ZNF500: variants seen among roughly 807,000 people sequenced by gnomAD.
ZNF500 encodes the protein zinc finger protein with KRAB and SCAN domains 18.
In ZNF500, 31 loss-of-function variants were observed where a neutral mutation model predicts 30.1. The observed-to-expected ratio is 1.03, with a 90% CI of 0.77 to 1.39. The LOEUF (loss-of-function observed/expected upper bound fraction) is 1.39. Ranked by LOEUF, ZNF500 falls within the 40% of genes most tolerant of loss-of-function variation. ZNF500 has a pLI of 0.00. For missense variants in ZNF500, 817 were observed against 657.8 expected (o/e 1.24, Z -2.65); for synonymous variants, 392 against 282.0 (o/e 1.39, Z -3.91).
chr16:4,765,624 C>T lies in ZNF500; in HGVS notation c.355G>A (p.Glu119Lys). 1 of 1,613,390 alleles carries T rather than the reference C, an allele frequency of 6.2e-7. No individual in the cohort carries two copies. The stretch of plus-strand genomic sequence containing the variant: ...CCTTCCACAAGGACCACGGCCTCCT[C>T]ACCGCTCTCCGGCTGCTGCTCGCGT... ...RVREQQPESG[E>K]EAVVLVEGLQ... is the part of the protein sequence containing the mutation. Residue 119 changes from glutamate (E) to lysine (K), a missense_variant, in exon 2 of 6, where the codon GAG (glutamate) becomes AAG (lysine). Physicochemically the swap from Glu to Lys is moderately conservative, Grantham distance 56. Coordinates refer to ENST00000219478, the MANE Select transcript of ZNF500 (RefSeq NM_021646.4).
At chr16:4,753,879 G>A (rs1056748077) in intron 5 of ZNF500, among the ~76,000 whole-genome samples, 5 of 152,236 alleles carry the variant, frequency 3.3e-5, no homozygotes, top group African/African-American at 7.2e-5. Context: ...CAGAGCAGTC[G>A]TGGCTCCCAG....
At chr16:4,764,155 C>G (rs1378786947) in intron 2 of ZNF500, 1 of 930,492 alleles carries the variant, frequency 1.1e-6, no homozygotes, top group East Asian at 1.2e-4. Flanking sequence ...CTGTGCCATC[C>G]AGTACAGTAG....
rs114408788 is a variant in ZNF500, at chr16:4,760,192, C to G, written c.760+300G>C. ...ATGGGGAGAGGCTGGAGAACCAGGT[C>G]CTGTGGGAGCAGCTCTGCCCTTGAG... On this transcript the variant is annotated intron_variant, in intron 5 of 5. Coordinates refer to ENST00000219478, the MANE Select transcript of ZNF500 (RefSeq NM_021646.4). 5.9e-3 allele frequency among the ~76,000 whole-genome samples: 891 copies of G among 152,268 alleles called. 10 individuals carry two copies. Among genetic ancestry groups the G allele is most frequent in the African/African-American group, 0.02 (845 of 41,562 alleles).
Position 4,766,054 on chromosome 16 carries a change from G to A in ZNF500, c.-76C>T. ...CTCTCTATACCTCTGGCCAGACACA[G>A]GAAGAGAGTTTTTTTCAGGGCCCTG... On this transcript the variant is annotated 5_prime_UTR_variant, in exon 2 of 6. Transcript: ENST00000219478. The A allele has an allele frequency of 6.8e-7, 1 of 1,479,486 alleles. No homozygotes were observed. The highest frequency in any genetic ancestry group is 8.9e-7 in the Non-Finnish European group (1 of 1,118,588). 91.6% of individuals were successfully genotyped at this position (1,479,486 alleles called of 1,614,324 possible).
At chr16:4,754,976 C>T (rs1350549842) in intron 5 of ZNF500, among the ~76,000 whole-genome samples, 1 of 152,188 alleles carries the variant, frequency 6.6e-6, no homozygotes, top group South Asian at 2.1e-4. Context: ...CGGCACCTCC[C>T]CTCGCTCCTT....
At position 4,760,567 on chromosome 16, in the gene ZNF500, C is replaced by A. The variant is rs150491469; in HGVS notation, c.685G>T (p.Val229Leu). The A allele has an allele frequency of 1.9e-6, 3 of 1,613,550 alleles. No individual in the cohort carries two copies. Among genetic ancestry groups the A allele is most frequent in the Admixed American group, 3.3e-5 (2 of 59,932 alleles). ...TCCTCCCCAGAAAGGTATACAGCCA[C>A]GTCCTCCAAGTTCACGGGCACCTGC... ...WSQVPVNLED[V>L]AVYLSGEEPR... The change falls in exon 5 of 6, where the codon GTG (valine) becomes TTG (leucine). Residue 229 changes from valine to leucine, a missense_variant. By Grantham distance (32) the Val-to-Leu change is conservative. Coordinates refer to ENST00000219478, the MANE Select transcript of ZNF500 (RefSeq NM_021646.4).
downstream of ZNF500, chr16:4,744,983 G>A (rs2081995988): frequency 6.2e-7 from 1 of 1,613,772 alleles, no homozygotes; most frequent in Non-Finnish European, 8.5e-7. Flanking sequence ...CACTCCCCAG[G>A]ACACCAAAGA....
chr16:4,758,200 A>T (rs2082158630), intron 5 of ZNF500: 1 of 146,988 alleles, frequency 6.8e-6, no homozygotes, highest in Non-Finnish European at 1.5e-5. Context: ...GTGCCTGGCC[A>T]TTTTTTTTTT....
intron 3 of ZNF500, 87 bp downstream of exon 3, chr16:4,762,486 C>G: frequency 1.3e-6 from 2 of 1,526,414 alleles, no homozygotes; most frequent in South Asian, 1.3e-5. Flanking sequence ...CCAGGCAGGC[C>G]TCTGCCCTGG....
In ZNF500 at chr16:4,748,596, G is replaced by C. The variant is rs1421129054; in HGVS notation, c.*3780C>G. On this transcript the variant is annotated 3_prime_UTR_variant, in exon 6 of 6. Transcript: ENST00000219478. ...AAGACCCGGCCCCTCCACAGGACAAGCCTGGTCTTCCTGGGTCCTGTTCCT... is the reference window on the plus strand; with the variant it reads ...AAGACCCGGCCCCTCCACAGGACAACCCTGGTCTTCCTGGGTCCTGTTCCT... The C allele has an allele frequency of 6.6e-6, 1 of 152,436 alleles. No homozygotes were observed. Among genetic ancestry groups the C allele is most frequent in the East Asian group, 1.9e-4 (1 of 5,176 alleles). 9.4% of individuals were successfully genotyped at this position (152,436 alleles called of 1,614,324 possible). A position where few individuals can be genotyped will look rare whatever the true frequency, so the allele number is the denominator to read the frequency against.
intron 4 of ZNF500, among the ~76,000 whole-genome samples, chr16:4,761,161 G>A (rs967454509): frequency 6.6e-6 from 1 of 152,116 alleles, no homozygotes; most frequent in East Asian, 1.9e-4. Flanking sequence ...GTTCGGCCGG[G>A]CGCGGTGGCT....
At chr16:4,754,738 A>G (rs931378935) in intron 5 of ZNF500, among the ~76,000 whole-genome samples, 2 of 152,032 alleles carry the variant, frequency 1.3e-5, no homozygotes, top group Non-Finnish European at 1.5e-5. Context: ...TTGGCCTGCT[A>G]TAATAATATT....
rs748134585 is a variant in ZNF500 at position 4,765,951 on chromosome 16, G to T, written c.28C>A (p.Leu10Met). The change falls in exon 2 of 6, where the codon CTG becomes ATG. Residue 10 changes from leucine (L) to methionine (M), a missense_variant. By Grantham distance (15) the Leu-to-Met change is conservative. Transcript: ENST00000219478. ...TCCAGGTCCTGCTCCAAGGTTGGCA[G>T]GGGCTGGAGGCCAGGGACAGTGGCC... MATVPGLQP[L>M]PTLEQDLEQE... 1.9e-6 allele frequency: 3 copies of T among 1,585,768 alleles called. No individual in the cohort carries two copies. In the South Asian group the frequency reaches 3.4e-5, roughly 18 times the overall value.
At chr16:4,762,969 C>T (rs1433864163) in intron 2 of ZNF500, 64 of 985,334 alleles carry the variant, frequency 6.5e-5, no homozygotes, top group Non-Finnish European at 7.3e-5. Flanking sequence ...TCACCACAAT[C>T]GTTTCCCCAT....
chr16:4,746,265 TG>T (rs2082016411), downstream of ZNF500: 17 of 1,152,008 alleles, frequency 1.5e-5, no homozygotes, highest in South Asian at 4.4e-5. Flanking sequence ...CTGTAGAGAG[TG>T]GGCACTCACT....
chr16:4,752,385 G>T lies in ZNF500; in HGVS notation c.1434C>A (p.Ala478=), dbSNP rs3747602. 0.61 allele frequency: 911,048 copies of T among 1,497,240 alleles called. 280,270 individuals are homozygous for T. The highest frequency in any genetic ancestry group is 0.67 in the East Asian group (27,125 of 40,390). 92.7% of individuals were successfully genotyped at this position (1,497,240 alleles called of 1,614,324 possible). A position where few individuals can be genotyped will look rare whatever the true frequency, so the allele number is the denominator to read the frequency against. The part of the protein sequence containing the change: ...LQPVAPGGPG[A]KA ...GTTTCAGGCCTGGTGATCAGGCTTT[G>T]GCACCGGGGCCTCCAGGAGCCACCG... The change falls in exon 6 of 6, where the codon GCC becomes GCA. Residue 478 remains alanine, a synonymous_variant. Transcript: ENST00000219478.
chr16:4,761,478 TACACACACACACACACACACACACAC>T (rs71139657), intron 4 of ZNF500, among the ~76,000 whole-genome samples: 4 of 129,746 alleles, frequency 3.1e-5, no homozygotes, highest in Admixed American at 1.6e-4. Flanking sequence ...TACACATACA[TACACACACACACACACACACACACAC>T]ACACACACAC....
chr16:4,760,650 C>A, intron 4 of ZNF500, 62 bp from the exon 5 acceptor site: 3 of 1,482,570 alleles, frequency 2.0e-6, no homozygotes, highest in Admixed American at 3.5e-5. Context: ...CCAACTAAGG[C>A]CACTGGCCCA....
Position 4,748,460 on chromosome 16 carries a change from A to T in ZNF500, c.*3916T>A, listed in dbSNP as rs1012641659. 1 of 152,160 alleles carries T rather than the reference A, an allele frequency of 6.6e-6. No homozygotes were observed. Among genetic ancestry groups the T allele is most frequent in the African/African-American group, 2.4e-5 (1 of 41,434 alleles). 9.4% of individuals were successfully genotyped at this position (152,160 alleles called of 1,614,324 possible). On this transcript the variant is annotated 3_prime_UTR_variant, in exon 6 of 6. Coordinates refer to ENST00000219478, the MANE Select transcript of ZNF500 (RefSeq NM_021646.4). ...TTCTCAAGGCCTTTGACCTTTATGAATCTAGACAGAATACTGGAAACCCCT... is the reference window on the plus strand; with the variant it reads ...TTCTCAAGGCCTTTGACCTTTATGATTCTAGACAGAATACTGGAAACCCCT...
Sources: gnomAD v4.1 joint callset for allele counts (sites outside exome capture counted in the v4.1 genomes callset) on GRCh38, gnomAD v4.1.1 for gene constraint, MANE v1.5 for transcripts, NCBI Gene and HGNC (gene_info 2026-07-23, HGNC 2026-07-21) for gene names.